RBPMS: variants seen among roughly 807,000 people sequenced by gnomAD.
RBPMS encodes the protein RNA binding protein, mRNA processing factor, also known as RNA-binding protein with multiple splicing.
A neutral mutation model predicts 26.8 loss-of-function variants in RBPMS; 7 were observed. The observed-to-expected ratio is 0.26, with a 90% confidence interval of 0.15 to 0.49. The LOEUF (loss-of-function observed/expected upper bound fraction) is 0.49, where lower values mean the gene tolerates loss of function less well. RBPMS is among the 20% of genes least tolerant of loss of function. RBPMS has a pLI of 0.98. For synonymous variants in RBPMS, 96 were observed against 93.3 expected, an observed-to-expected ratio of 1.03 and a Z score of -0.17; for missense variants, 186 against 250.0, an observed-to-expected ratio of 0.74 and a Z score of 1.73.
intron 4 of RBPMS, among the ~76,000 whole-genome samples, chr8:30,492,855 C>T (rs1163153885): frequency 6.6e-6 from 1 of 151,982 alleles, no homozygotes; most frequent in African/African-American, 2.4e-5. Context: ...TTTTCTTACT[C>T]TTTTTTTCCT....
chr8:30,558,186 C>T (rs554059577), intron 6 of RBPMS: 2 of 152,250 alleles, frequency 1.3e-5, no homozygotes, highest in African/African-American at 4.8e-5. Context: ...TTTTCCTTGG[C>T]ATAGGACCTG....
In RBPMS at chr8:30,549,866, T is replaced by C. The variant is rs1315899419; in HGVS notation, c.528+5242T>C. Among the ~76,000 whole-genome samples the C allele has an allele frequency of 6.0e-5, 9 of 151,028 alleles. 1 individual carries two copies. Among genetic ancestry groups the C allele is most frequent in the Non-Finnish European group, 7.4e-5 (5 of 67,810 alleles). On this transcript the variant is annotated intron_variant, in intron 6 of 8. Coordinates refer to ENST00000397323, the MANE Select transcript of RBPMS (RefSeq NM_001008710.3). ...TTTCTTTTCTTTCTTCTTTTTTTTT[T>C]CTGAGGCAGAGTCTCGCTCTGTCGC...
At chr8:30,430,470 T>G (rs1420209041) in intron 1 of RBPMS, among the ~76,000 whole-genome samples, 5 of 152,206 alleles carry the variant, frequency 3.3e-5, no homozygotes, top group African/African-American at 1.2e-4. Context: ...TCAGAGTTTG[T>G]AAAGAAAACA....
chr8:30,479,170 A>G (rs1818017517), intron 3 of RBPMS, 145 bp from the exon 4 acceptor site: 3 of 644,800 alleles, frequency 4.7e-6, no homozygotes, highest in Non-Finnish European at 8.0e-6. Flanking sequence ...CTGAGTCATG[A>G]TTCTTCGGGA....
At chr8:30,490,010 C>T (rs1819225582) in intron 4 of RBPMS, among the ~76,000 whole-genome samples, 2 of 151,636 alleles carry the variant, frequency 1.3e-5, no homozygotes, top group Non-Finnish European at 2.9e-5. Flanking sequence ...GACAGGATTT[C>T]ACTGTGTTAG....
At chr8:30,477,328 C>G (rs1336093888) in intron 2 of RBPMS, among the ~76,000 whole-genome samples, 3 of 152,160 alleles carry the variant, frequency 2.0e-5, no homozygotes, top group Admixed American at 6.5e-5. Context: ...GGATTACAGG[C>G]GTGAGTCACC....
At chr8:30,422,003 A>ATTC (rs1270143745) in intron 1 of RBPMS, among the ~76,000 whole-genome samples, 5 of 152,146 alleles carry the variant, frequency 3.3e-5, no homozygotes, top group African/African-American at 1.2e-4. Flanking sequence ...AGAGATAAGA[A>ATTC]TAAAGTAATA....
intron 5 of RBPMS, among the ~76,000 whole-genome samples, chr8:30,517,225 TG>T (rs1822430301): frequency 7.3e-6 from 1 of 136,660 alleles, no homozygotes; most frequent in African/African-American, 2.6e-5. Flanking sequence ...TGTGTGTGTG[TG>T]TGTGTGTGTG....
chr8:30,566,857 G>GAATC, intron 8 of RBPMS, among the ~76,000 whole-genome samples: 1 of 152,254 alleles, frequency 6.6e-6, no homozygotes, highest in Non-Finnish European at 1.5e-5. Flanking sequence ...GAGCATGACT[G>GAATC]AATCAGAATT....
At chr8:30,393,766 G>C (rs936556193) in intron 1 of RBPMS, among the ~76,000 whole-genome samples, 71 of 152,086 alleles carry the variant, frequency 4.7e-4, no homozygotes, top group African/African-American at 1.7e-3. Flanking sequence ...TGATCCACCC[G>C]CCTCGGCCTG....
intron 5 of RBPMS, among the ~76,000 whole-genome samples, chr8:30,530,809 C>A (rs1053244710): frequency 6.6e-6 from 1 of 152,130 alleles, no homozygotes; most frequent in African/African-American, 2.4e-5. Context: ...ATTATGACAA[C>A]CTATGAGAAT....
chr8:30,549,795 T>TCC (rs376497422), intron 6 of RBPMS, among the ~76,000 whole-genome samples: 4 of 100,740 alleles, frequency 4.0e-5, no homozygotes, highest in Non-Finnish European at 5.7e-5. Context: ...TCTCTCTCTC[T>TCC]CCCCTCTCTC....
chr8:30,443,883 C>T (rs1813420419), intron 1 of RBPMS, among the ~76,000 whole-genome samples: 1 of 152,008 alleles, frequency 6.6e-6, no homozygotes, highest in African/African-American at 2.4e-5. Flanking sequence ...GTGTGAGCCA[C>T]CGCGCCCAGC....
At position 30,549,809 on chromosome 8, in the gene RBPMS, T is replaced by TCTCTCCCCCCTCTCTC. The variant is rs1554543963; in HGVS notation, c.528+5190_528+5191insCCCCCTCTCTCCTCTC. On this transcript the variant is annotated intron_variant, in intron 6 of 8. Transcript: ENST00000397323. ...CTCTCTCTCTCTCCCCTCTCTCCTC[T>TCTCTCCCCCCTCTCTC]CTCTCTCTCTCTCTCTCTTTTCTTT... Among the ~76,000 whole-genome samples, 168 of 92,530 alleles carry TCTCTCCCCCCTCTCTC rather than the reference T, an allele frequency of 1.8e-3. 1 individual carries two copies. Among genetic ancestry groups the TCTCTCCCCCCTCTCTC allele is most frequent in the Middle Eastern group, 0.014 (2 of 138 alleles). 60.7% of individuals were successfully genotyped at this position (92,530 alleles called of 152,430 possible). A position where few individuals can be genotyped will look rare whatever the true frequency, so the allele number is the denominator to read the frequency against.
chr8:30,469,515 A>C (rs1216255161), intron 1 of RBPMS, among the ~76,000 whole-genome samples: 2 of 152,240 alleles, frequency 1.3e-5, no homozygotes, highest in Admixed American at 6.5e-5. Flanking sequence ...CTGTTGGGGT[A>C]AAAAGGAAGT....
rs755107593 is a variant in RBPMS, at chr8:30,571,971, A to C, written c.*1446A>C. ...TTGTTATTTTCCATTAGAAATATAAAGATGTCAAGAAGCTTTTAAAGGTCA... is the reference window on the plus strand; with the variant it reads ...TTGTTATTTTCCATTAGAAATATAACGATGTCAAGAAGCTTTTAAAGGTCA... On this transcript the variant is annotated 3_prime_UTR_variant, in exon 9 of 9. Coordinates refer to ENST00000397323, the MANE Select transcript of RBPMS (RefSeq NM_001008710.3). 3.3e-5 allele frequency: 5 copies of C among 152,228 alleles called. No homozygotes were observed. The highest frequency in any genetic ancestry group is 7.3e-5 in the Non-Finnish European group (5 of 68,034). The allele number at this position is 152,228 out of a possible 1,614,324, so 9.4% of individuals were successfully genotyped here.
chr8:30,502,837 T>A (rs1820700036), intron 4 of RBPMS, among the ~76,000 whole-genome samples: 1 of 152,218 alleles, frequency 6.6e-6, no homozygotes, highest in African/African-American at 2.4e-5. Context: ...ATACTTTTTC[T>A]TCAAAATAAT....
chr8:30,544,394 C>A, intron 5 of RBPMS, 100 bp from the exon 6 acceptor site: 1 of 1,181,006 alleles, frequency 8.5e-7, no homozygotes, highest in Non-Finnish European at 1.2e-6. Flanking sequence ...AATTTGACTT[C>A]CGACAGTGAT....
intron 4 of RBPMS, among the ~76,000 whole-genome samples, chr8:30,489,627 T>C (rs1039715388): frequency 2.0e-5 from 3 of 151,082 alleles, no homozygotes; most frequent in Non-Finnish European, 4.4e-5. Flanking sequence ...GAATTTTTAG[T>C]AGAGATGGGG....
Sources: allele counts gnomAD v4.1 joint callset (sites outside exome capture counted in the v4.1 genomes callset), GRCh38; gene constraint gnomAD v4.1.1; transcripts MANE v1.5; gene names NCBI Gene and HGNC (gene_info 2026-07-23, HGNC 2026-07-21).